The following POU2F3 variants were observed in gnomAD, a reference collection of about 807,000 sequenced individuals.
The protein encoded by POU2F3 is POU class 2 homeobox 3.
A neutral mutation model predicts 59.2 loss-of-function variants in POU2F3; 23 were observed. The observed-to-expected ratio is 0.39, with a 90% CI of 0.28 to 0.55. The LOEUF (loss-of-function observed/expected upper bound fraction) is 0.55. POU2F3 is among the 20% of genes least tolerant of loss of function. The pLI is 0.66. For synonymous variants in POU2F3, 190 were observed against 214.6 expected (o/e 0.89, Z 1.00); for missense variants, 473 against 544.5 (o/e 0.87, Z 1.31).
Position 120,299,715 on chromosome 11 carries a change from C to G in POU2F3, c.350C>G (p.Pro117Arg), listed in dbSNP as rs1473429802. The G allele has an allele frequency of 1.9e-6, 3 of 1,612,504 alleles. No homozygotes were observed. The East Asian group carries it at 6.7e-5, about 36-fold the overall frequency. The change falls in exon 5 of 13, where the codon CCT becomes CGT. Residue 117 changes from proline to arginine, a missense_variant. Transcript: ENST00000543440. Reference protein sequence around the residue: ...VSQFLLSQTQPGQQGLQPNLL... With the variant: ...VSQFLLSQTQRGQQGLQPNLL... Reference sequence around the variant, plus strand: ...CAGTTCCTGCTATCTCAGACCCAGCCTGGGCAGCAAGGTAAGAACCCTGGG... The same window carrying G: ...CAGTTCCTGCTATCTCAGACCCAGCGTGGGCAGCAAGGTAAGAACCCTGGG...
At chr11:120,302,525 A>T in intron 6 of POU2F3, 157 bp downstream of exon 6, 1 of 631,844 alleles carries the variant, frequency 1.6e-6, no homozygotes, top group Non-Finnish European at 2.7e-6. Context: ...AATCCAAGCT[A>T]CAGCAAGTGG....
intron 4 of POU2F3, among the ~76,000 whole-genome samples, chr11:120,299,334 G>A (rs148578185): frequency 8.5e-5 from 13 of 152,342 alleles, no homozygotes; most frequent in Non-Finnish European, 1.2e-4. Context: ...GCATTTTATA[G>A]TCTAGTTGGG....
chr11:120,255,968 A>T (rs1047054426), intron 2 of POU2F3: 1 of 152,212 alleles, frequency 6.6e-6, no homozygotes, highest in African/African-American at 2.4e-5. Flanking sequence ...GTGTGAGGAC[A>T]GATGGATTCT....
chr11:120,313,751 C>T (rs1372688404), intron 10 of POU2F3, among the ~76,000 whole-genome samples: 1 of 152,132 alleles, frequency 6.6e-6, no homozygotes, highest in African/African-American at 2.4e-5. Context: ...TGGTGGCTCA[C>T]GCCTGTAATC....
chr11:120,263,834 C>T (rs1251725994), intron 2 of POU2F3, among the ~76,000 whole-genome samples: 2 of 152,188 alleles, frequency 1.3e-5, no homozygotes, highest in Admixed American at 6.5e-5. Flanking sequence ...GGAAATAGAA[C>T]GTGTTCAGGT....
At chr11:120,289,890 A>C (rs1014639362) in intron 3 of POU2F3, among the ~76,000 whole-genome samples, 1 of 152,218 alleles carries the variant, frequency 6.6e-6, no homozygotes, top group African/African-American at 2.4e-5. Flanking sequence ...GCTCTGTAGG[A>C]GATGACTCTG....
At chr11:120,276,493 G>A (rs1170004600) in intron 3 of POU2F3, among the ~76,000 whole-genome samples, 1 of 151,596 alleles carries the variant, frequency 6.6e-6, no homozygotes, top group East Asian at 2.0e-4. Flanking sequence ...TTCCCCTGAG[G>A]ATTGCTTGCT....
chr11:120,283,708 T>C (rs1168041528), intron 3 of POU2F3, among the ~76,000 whole-genome samples: 1 of 151,804 alleles, frequency 6.6e-6, no homozygotes, highest in African/African-American at 2.4e-5. Flanking sequence ...CCAAACTCAG[T>C]TCAAATGCCT....
intron 10 of POU2F3, among the ~76,000 whole-genome samples, chr11:120,310,003 C>T (rs535450779): frequency 1.2e-4 from 18 of 152,302 alleles, no homozygotes; most frequent in South Asian, 2.1e-4. Flanking sequence ...GGAAGCAGAG[C>T]GCCCAAGATC....
intron 3 of POU2F3, among the ~76,000 whole-genome samples, chr11:120,282,287 G>C (rs545321175): frequency 6.6e-6 from 1 of 152,338 alleles, no homozygotes; most frequent in East Asian, 1.9e-4. Flanking sequence ...TAACAGGGTG[G>C]TTTTTGAAAT....
intron 5 of POU2F3, chr11:120,301,300 A>G (rs1241123488): frequency 1.4e-5 from 4 of 291,826 alleles, no homozygotes; most frequent in Admixed American, 4.6e-5. Flanking sequence ...ATGCATGTGA[A>G]AAGGCTGTAT....
chr11:120,256,969 C>T (rs779631609), intron 2 of POU2F3: 1 of 152,146 alleles, frequency 6.6e-6, no homozygotes, highest in Admixed American at 6.5e-5. Context: ...GGTAATTAAC[C>T]ATTCTGAGCC....
chr11:120,257,285 C>T (rs1939381260), intron 2 of POU2F3, among the ~76,000 whole-genome samples: 1 of 152,162 alleles, frequency 6.6e-6, no homozygotes, highest in Non-Finnish European at 1.5e-5. Flanking sequence ...TTCCTTAGGA[C>T]CCTTTCCCTG....
chr11:120,275,454 G>A (rs1940278250), intron 3 of POU2F3, among the ~76,000 whole-genome samples: 1 of 152,124 alleles, frequency 6.6e-6, no homozygotes, highest in African/African-American at 2.4e-5. Context: ...AGGTAGAATT[G>A]GATTAAAGGG....
intron 9 of POU2F3, among the ~76,000 whole-genome samples, chr11:120,308,058 T>C (rs1411649556): frequency 6.6e-6 from 1 of 152,170 alleles, no homozygotes; most frequent in East Asian, 1.9e-4. Flanking sequence ...TGCAGGGAAG[T>C]AGAAAGAAAA....
chr11:120,264,124 A>C (rs920149466), intron 2 of POU2F3, among the ~76,000 whole-genome samples: 2 of 151,554 alleles, frequency 1.3e-5, no homozygotes, highest in Non-Finnish European at 2.9e-5. Flanking sequence ...TAATCCCAGA[A>C]CTTTGGGAGG....
chr11:120,298,335 G>A lies in POU2F3; in HGVS notation c.203G>A (p.Gly68Glu). 6.2e-7 allele frequency: 1 copy of A among 1,613,794 alleles called. No homozygotes were observed. Among genetic ancestry groups the A allele is most frequent in the Non-Finnish European group, 8.5e-7 (1 of 1,179,886 alleles). The change falls in exon 4 of 13, where the codon GGA (glycine) becomes GAA (glutamate). Residue 68 changes from glycine (G) to glutamate (E), a missense_variant. By Grantham distance (98) the Gly-to-Glu change is moderately conservative (BLOSUM62 -2). Coordinates refer to ENST00000543440, the MANE Select transcript of POU2F3 (RefSeq NM_014352.4). Reference protein sequence around the residue: ...LSHRPCHLSQGPAMMSGNQMS... With the variant: ...LSHRPCHLSQEPAMMSGNQMS... ...CATCGGCCATGCCACCTGAGTCAAG[G>A]ACCTGCCATGATGTCCGGAAACCAA...
chr11:120,302,459 G>A (rs1941375431), intron 6 of POU2F3, 91 bp downstream of exon 6: 1 of 1,243,616 alleles, frequency 8.0e-7, no homozygotes, highest in East Asian at 2.5e-5. Flanking sequence ...CTTTAACAGG[G>A]CACTAACCCC....
intron 2 of POU2F3, among the ~76,000 whole-genome samples, chr11:120,262,659 A>G (rs1276696835): frequency 6.6e-6 from 1 of 152,236 alleles, no homozygotes; most frequent in African/African-American, 2.4e-5. Flanking sequence ...TTTATGTATC[A>G]GCTATGATTA....
Sources: gnomAD v4.1 joint callset for allele counts (sites outside exome capture counted in the v4.1 genomes callset) on GRCh38, gnomAD v4.1.1 for gene constraint, MANE v1.5 for transcripts, NCBI Gene and HGNC (gene_info 2026-07-23, HGNC 2026-07-21) for gene names.